CFAP69: variants seen among roughly 807,000 people sequenced by gnomAD.
The protein encoded by CFAP69 is cilia- and flagella-associated protein 69.
CFAP69 carries 92 observed loss-of-function variants against 123.0 expected under a neutral mutation model. That is an observed-to-expected ratio of 0.75 (90% CI 0.63 to 0.89). CFAP69 has a LOEUF of 0.89. Among genes scored for constraint, CFAP69 ranks in the 40% least tolerant of loss-of-function variants. CFAP69 has a pLI of 0.00. For missense variants in CFAP69, 1,067 were observed against 1,096.9 expected (o/e 0.97, Z 0.39); for synonymous variants, 380 against 364.3 (o/e 1.04, Z -0.49).
chr7:90,246,554 C>T (rs777313824), intron 1 of CFAP69, among the ~76,000 whole-genome samples: 41 of 152,242 alleles, frequency 2.7e-4, no homozygotes, highest in Non-Finnish European at 5.0e-4. Flanking sequence ...TGCGGAGCAA[C>T]AGCATTTTGC....
At chr7:90,251,298 A>G (rs1350715550) in intron 1 of CFAP69, among the ~76,000 whole-genome samples, 3 of 152,146 alleles carry the variant, frequency 2.0e-5, no homozygotes, top group Non-Finnish European at 2.9e-5. Context: ...CTCTAATTGT[A>G]GGTTGCTGAC....
chr7:90,305,396 A>AAC, intron 19 of CFAP69, among the ~76,000 whole-genome samples: 1 of 151,316 alleles, frequency 6.6e-6, no homozygotes, highest in South Asian at 2.1e-4. Context: ...AAAAAAAAAA[A>AAC]AATTATTTTT....
downstream of CFAP69, among the ~76,000 whole-genome samples, chr7:90,315,607 G>A (rs1172232778): frequency 6.6e-6 from 1 of 152,142 alleles, no homozygotes; most frequent in Non-Finnish European, 1.5e-5. Flanking sequence ...CTTGATTGGT[G>A]GAGAGTGGGA....
At chr7:90,250,654 C>T (rs1348846529) in intron 1 of CFAP69, among the ~76,000 whole-genome samples, 2 of 152,166 alleles carry the variant, frequency 1.3e-5, no homozygotes, top group African/African-American at 4.8e-5. Flanking sequence ...TCTCCATAAA[C>T]ATCTTAAGAT....
chr7:90,258,190 C>T (rs1797878875), intron 3 of CFAP69, 27 bp downstream of exon 3: 1 of 1,414,350 alleles, frequency 7.1e-7, no homozygotes, highest in Non-Finnish European at 9.8e-7. Context: ...TATGTATGTT[C>T]ATTTCATTTA....
chr7:90,260,067 CATT>C (rs1245863876), intron 3 of CFAP69, among the ~76,000 whole-genome samples: 1 of 152,168 alleles, frequency 6.6e-6, no homozygotes, highest in Non-Finnish European at 1.5e-5. Context: ...CTCCTTACAA[CATT>C]ATGATTTTTT....
At chr7:90,315,667 G>A (rs186620473), downstream of CFAP69, among the ~76,000 whole-genome samples, 113 of 152,270 alleles carry the variant, frequency 7.4e-4, no homozygotes, top group African/African-American at 2.5e-3. Context: ...GCTTAGTACC[G>A]GGGTGACAAA....
intron 12 of CFAP69, among the ~76,000 whole-genome samples, chr7:90,282,277 A>G (rs545383567): frequency 6.6e-6 from 1 of 152,150 alleles, no homozygotes; most frequent in African/African-American, 2.4e-5. Flanking sequence ...TGAGCCCAGG[A>G]GATTGAGACT....
rs747434454 is a variant in CFAP69, at chr7:90,307,026, T to C, written c.2391T>C (p.Ala797=). 31 of 1,613,442 alleles carry C rather than the reference T, an allele frequency of 1.9e-5. No individual in the cohort carries two copies. The South Asian group carries it at 3.2e-4, about 17-fold the overall frequency. ...TASENIGKMV[A]SLQSDIIESQ... ...CAGAAAATATTGGAAAGATGGTTGC[T>C]TCTCTGCAAAGTGATATAATTGAAA... Residue 797 remains alanine (A), a synonymous_variant, in exon 20 of 23, where the codon GCT becomes GCC. Coordinates refer to ENST00000389297, the MANE Select transcript of CFAP69 (RefSeq NM_001039706.3).
intron 7 of CFAP69, 30 bp downstream of exon 7, chr7:90,271,705 A>G (rs1331808447): frequency 1.2e-6 from 2 of 1,600,102 alleles, no homozygotes; most frequent in East Asian, 2.2e-5. Flanking sequence ...TAAACACTTC[A>G]TTGTCAACTA....
chr7:90,247,177 G>T (rs186583632), intron 1 of CFAP69, among the ~76,000 whole-genome samples: 9 of 152,270 alleles, frequency 5.9e-5, no homozygotes, highest in Non-Finnish European at 1.2e-4. Flanking sequence ...GCCTGTGGTT[G>T]TTTTTACAAA....
At chr7:90,318,670 T>C in the CFAP69 span, 2 of 152,018 alleles carry the variant, frequency 1.3e-5, no homozygotes, top group African/African-American at 4.8e-5. Context: ...ACAAAGACAC[T>C]TTAAAAAGAC....
At position 90,306,752 on chromosome 7, in the gene CFAP69, A is replaced by G. The variant is rs1435403802; in HGVS notation, c.2266-149A>G. 6.4e-6 allele frequency: 4 copies of G among 624,340 alleles called. No individual in the cohort carries two copies. The South Asian group carries it at 7.6e-5, about 12-fold the overall frequency. 38.7% of individuals were successfully genotyped at this position (624,340 alleles called of 1,614,324 possible). On this transcript the variant is annotated intron_variant, in intron 19 of 22. Coordinates refer to ENST00000389297, the MANE Select transcript of CFAP69 (RefSeq NM_001039706.3). ...TACTCAAATGTAGCTGGTACCCTCA[A>G]TCATTCCCAATGCACTTATTCCCAG...
At chr7:90,255,320 T>C in intron 1 of CFAP69, 103 bp from the exon 2 acceptor site, 1 of 884,952 alleles carries the variant, frequency 1.1e-6, no homozygotes, top group Non-Finnish European at 1.8e-6. Flanking sequence ...TCATAAAACA[T>C]TTTTTAAGTT....
At chr7:90,251,798 A>G (rs1797041647) in intron 1 of CFAP69, 1 of 152,244 alleles carries the variant, frequency 6.6e-6, no homozygotes, top group African/African-American at 2.4e-5. Flanking sequence ...ATAATGCAAG[A>G]TAAATCTAAG....
At chr7:90,275,762 C>T (rs1462719518) in intron 9 of CFAP69, among the ~76,000 whole-genome samples, 1 of 151,752 alleles carries the variant, frequency 6.6e-6, no homozygotes, top group Non-Finnish European at 1.5e-5. Flanking sequence ...CCACCACACC[C>T]GGCTAATTTT....
At chr7:90,314,075 C>T (rs12673914), downstream of CFAP69, among the ~76,000 whole-genome samples, 68,763 of 151,900 alleles carry the variant, frequency 0.45, 16,775 homozygotes, top group Non-Finnish European at 0.55. Flanking sequence ...AATTGAGGGG[C>T]ATTTTGCAAT....
At chr7:90,279,520 T>G (rs1437173674) in intron 11 of CFAP69, among the ~76,000 whole-genome samples, 157 bp from the exon 12 acceptor site, 11 of 137,122 alleles carry the variant, frequency 8.0e-5, no homozygotes, top group South Asian at 4.8e-4. Context: ...ATTTTTGGTG[T>G]TTTTTTTTTG....
rs535687646 is a variant in CFAP69 at position 90,307,084 on chromosome 7, A to C, written c.2449A>C (p.Lys817Gln). ...QACQDMQNEQ[K>Q]VYAKIQATHK... ...ATGCCAAGACATGCAAAATGAACAA[A>C]AAGTATATGCAAAAGTAAGCTACAT... Residue 817 changes from lysine to glutamine, a missense_variant, in exon 20 of 23, where the codon AAA becomes CAA. Coordinates refer to ENST00000389297, the MANE Select transcript of CFAP69 (RefSeq NM_001039706.3). 6.2e-7 allele frequency: 1 copy of C among 1,610,596 alleles called. No individual in the cohort carries two copies. Among genetic ancestry groups the C allele is most frequent in the South Asian group, 1.1e-5 (1 of 90,312 alleles).
Sources: gnomAD v4.1 joint callset for allele counts (sites outside exome capture counted in the v4.1 genomes callset) on GRCh38, gnomAD v4.1.1 for gene constraint, MANE v1.5 for transcripts, NCBI Gene and HGNC (gene_info 2026-07-23, HGNC 2026-07-21) for gene names.